CDH13: variants seen among roughly 807,000 people sequenced by gnomAD.
The protein encoded by CDH13 is cadherin 13, also known as cadherin-13.
In CDH13, 24 loss-of-function variants were observed where a neutral mutation model predicts 63.8. The observed-to-expected ratio is 0.38, with a 90% CI of 0.27 to 0.53. CDH13 has a LOEUF of 0.53. Among genes scored for constraint, CDH13 ranks in the 20% least tolerant of loss-of-function variants. The pLI, the probability that CDH13 is intolerant of heterozygous loss-of-function variation, is 0.85. For missense variants in CDH13, 1,049 were observed against 903.1 expected (o/e 1.16, Z -2.07); for synonymous variants, 503 against 355.3 (o/e 1.42, Z -4.67).
At chr16:82,989,475 T>C (rs1235210850) in intron 2 of CDH13, among the ~76,000 whole-genome samples, 1 of 152,184 alleles carries the variant, frequency 6.6e-6, no homozygotes, top group Non-Finnish European at 1.5e-5. Context: ...AAACTTATTC[T>C]GGGTAAGGCA....
intron 6 of CDH13, among the ~76,000 whole-genome samples, chr16:83,479,044 G>T (rs1390510483): frequency 1.3e-5 from 2 of 152,102 alleles, no homozygotes; most frequent in East Asian, 3.9e-4. Flanking sequence ...CAGGTTGGTT[G>T]GTTATCTTTC....
intron 8 of CDH13, among the ~76,000 whole-genome samples, chr16:83,645,044 T>TC (rs1598406787): frequency 6.6e-6 from 1 of 152,050 alleles, no homozygotes; most frequent in East Asian, 1.9e-4. Context: ...TCACATCCAC[T>TC]CCCAAATCCT....
intron 5 of CDH13, among the ~76,000 whole-genome samples, chr16:83,270,130 C>T (rs950153069): frequency 3.2e-4 from 49 of 152,184 alleles, no homozygotes; most frequent in African/African-American, 1.1e-3. Context: ...GCAAGAGATA[C>T]TGCTGTTTCT....
At chr16:83,451,597 A>G (rs2072888690) in intron 6 of CDH13, among the ~76,000 whole-genome samples, 1 of 152,170 alleles carries the variant, frequency 6.6e-6, no homozygotes, top group Non-Finnish European at 1.5e-5. Context: ...AACTCACTGC[A>G]GCCTCAACTT....
intron 3 of CDH13, among the ~76,000 whole-genome samples, chr16:83,055,074 A>G (rs749358185): frequency 1.4e-4 from 21 of 152,214 alleles, no homozygotes; most frequent in East Asian, 3.9e-4. Context: ...TATGCAATAT[A>G]TGTTGAAATA....
intron 3 of CDH13, among the ~76,000 whole-genome samples, chr16:83,107,321 T>A (rs2034819092): frequency 1.2e-5 from 1 of 86,442 alleles, no homozygotes. Context: ...GGGTTGGTGG[T>A]GGTTGTGGTG....
intron 7 of CDH13, among the ~76,000 whole-genome samples, chr16:83,560,903 C>A (rs1232494819): frequency 1.3e-5 from 2 of 151,926 alleles, no homozygotes; most frequent in Non-Finnish European, 2.9e-5. Flanking sequence ...AGGTTGGCCC[C>A]CCCCCCGCCC....
chr16:83,290,869 A>G (rs970692438), intron 5 of CDH13, among the ~76,000 whole-genome samples: 4 of 151,914 alleles, frequency 2.6e-5, no homozygotes, highest in African/African-American at 4.8e-5. Flanking sequence ...CTCTCTGCCT[A>G]CTGCCTAGAA....
intron 6 of CDH13, among the ~76,000 whole-genome samples, chr16:83,379,850 A>G (rs191339933): frequency 6.6e-5 from 10 of 151,452 alleles, no homozygotes. Context: ...ATATAAATAT[A>G]TAACCCAATA....
intron 6 of CDH13, among the ~76,000 whole-genome samples, chr16:83,368,493 A>G (rs563352535): frequency 1.3e-5 from 2 of 152,260 alleles, no homozygotes; most frequent in South Asian, 4.1e-4. Context: ...TTTCCTAAAC[A>G]TTTAAAAATT....
chr16:83,296,051 A>G (rs750175335), intron 5 of CDH13, among the ~76,000 whole-genome samples: 11 of 152,220 alleles, frequency 7.2e-5, no homozygotes, highest in East Asian at 3.8e-4. Context: ...TCTGTGTTGC[A>G]GAAACCTCTA....
chr16:83,165,705 T>C, intron 4 of CDH13, among the ~76,000 whole-genome samples: 1 of 152,094 alleles, frequency 6.6e-6, no homozygotes, highest in East Asian at 1.9e-4. Flanking sequence ...GTAGAGCTAG[T>C]TTCCAAGATG....
At chr16:83,304,908 G>T (rs944793842) in intron 5 of CDH13, among the ~76,000 whole-genome samples, 4 of 152,102 alleles carry the variant, frequency 2.6e-5, no homozygotes, top group African/African-American at 9.7e-5. Flanking sequence ...AGTTTATTAA[G>T]TCTTTAAGTA....
At chr16:82,661,879 A>G (rs1413182740) in intron 1 of CDH13, among the ~76,000 whole-genome samples, 3 of 152,360 alleles carry the variant, frequency 2.0e-5, no homozygotes, top group African/African-American at 4.8e-5. Context: ...GACTTGTTAA[A>G]TCTGCACTGT....
At chr16:83,232,680 C>T (rs910238445) in intron 5 of CDH13, among the ~76,000 whole-genome samples, 1 of 152,128 alleles carries the variant, frequency 6.6e-6, no homozygotes, top group Non-Finnish European at 1.5e-5. Flanking sequence ...TCCCCAGAAG[C>T]TGAGCAGATG....
intron 3 of CDH13, among the ~76,000 whole-genome samples, chr16:83,053,400 C>G (rs191296957): frequency 1.1e-4 from 17 of 152,078 alleles, no homozygotes; most frequent in Admixed American, 9.8e-4. Flanking sequence ...CCTGGGGTAT[C>G]AGAAGACACA....
chr16:83,768,284 A>C (rs747988066), intron 11 of CDH13, among the ~76,000 whole-genome samples: 5 of 152,160 alleles, frequency 3.3e-5, no homozygotes, highest in Non-Finnish European at 7.4e-5. Context: ...AAAAAATCTC[A>C]GTGTTTTTTA....
intron 6 of CDH13, among the ~76,000 whole-genome samples, chr16:83,484,164 T>C (rs1567703540): frequency 1.3e-5 from 2 of 152,208 alleles, no homozygotes; most frequent in African/African-American, 4.8e-5. Flanking sequence ...TAATGACTGA[T>C]ACTCTGATTC....
At chr16:82,991,380 G>C (rs1469668790) in intron 2 of CDH13, among the ~76,000 whole-genome samples, 3 of 152,100 alleles carry the variant, frequency 2.0e-5, no homozygotes, top group African/African-American at 4.8e-5. Context: ...CATCTAGTAA[G>C]GGGGGAGATG....
Sources: gnomAD v4.1 joint callset for allele counts (sites outside exome capture counted in the v4.1 genomes callset) on GRCh38, gnomAD v4.1.1 for gene constraint, MANE v1.5 for transcripts, NCBI Gene and HGNC (gene_info 2026-07-23, HGNC 2026-07-21) for gene names.